RNF138: variants seen among roughly 807,000 people sequenced by gnomAD.
The protein encoded by RNF138 is E3 ubiquitin-protein ligase RNF138.
A neutral mutation model predicts 31.0 loss-of-function variants in RNF138; 12 were observed. The observed-to-expected ratio is 0.39, with a 90% CI of 0.25 to 0.63. The LOEUF is 0.63. Ranked by LOEUF, RNF138 falls within the 20% of genes least tolerant of loss-of-function variation. The probability of loss-of-function intolerance (pLI) is 0.52; values close to 1 mark genes in which losing one functional copy is unlikely to be tolerated. For synonymous variants in RNF138, 105 were observed against 99.5 expected (o/e 1.06, Z -0.33); for missense variants, 192 against 300.1 (o/e 0.64, Z 2.66).
chr18:32,095,315 G>A (rs1043603040), intron 2 of RNF138, among the ~76,000 whole-genome samples: 7 of 152,108 alleles, frequency 4.6e-5, no homozygotes, highest in African/African-American at 1.2e-4. Context: ...GACTACAGGA[G>A]CATGCCTCCA....
At position 32,115,660 on chromosome 18, in the gene RNF138, AC is replaced by A. The variant is rs1049431057; in HGVS notation, c.392+1801del. ...CTTGGGAGGCTTAGGCAGGAGAATCACTTGACCCTAGGAAACGGAGGTTGCA... is the reference window on the plus strand; with the variant it reads ...CTTGGGAGGCTTAGGCAGGAGAATCATTGACCCTAGGAAACGGAGGTTGCA... On this transcript the variant is annotated intron_variant, in intron 4 of 7. Coordinates refer to ENST00000261593, the MANE Select transcript of RNF138 (RefSeq NM_016271.5). 1.3e-3 allele frequency among the ~76,000 whole-genome samples: 195 copies of A among 152,214 alleles called. 1 individual carries two copies. The highest frequency in any genetic ancestry group is 4.4e-3 in the African/African-American group (182 of 41,530).
intron 3 of RNF138, 112 bp downstream of exon 3, chr18:32,112,031 T>A: frequency 5.6e-6 from 5 of 897,948 alleles, no homozygotes; most frequent in Non-Finnish European, 6.4e-6. Flanking sequence ...TGAAAGGTAT[T>A]TAGACTGGGA....
At chr18:32,111,999 G>GTTTT in intron 3 of RNF138, 80 bp downstream of exon 3, 6 of 877,574 alleles carry the variant, frequency 6.8e-6, no homozygotes, top group Admixed American at 3.8e-5. Context: ...CTTGGTTGGT[G>GTTTT]TTTTTTTTTT....
intron 6 of RNF138, among the ~76,000 whole-genome samples, chr18:32,126,259 A>G (rs1265656679): frequency 1.3e-5 from 2 of 152,232 alleles, no homozygotes; most frequent in African/African-American, 4.8e-5. Context: ...AAAACTAAGG[A>G]TACAATTTAA....
At position 32,113,178 on chromosome 18, in the gene RNF138, A is replaced by G. The variant is rs189076122; in HGVS notation, c.277-567A>G. On this transcript the variant is annotated intron_variant, in intron 3 of 7. Transcript: ENST00000261593. Reference sequence around the variant, plus strand: ...GCTTTGACTTCCCAGGCTCTAAGCAATCCTCCTGCCTCAGCCCCACAGGTA... The same window carrying G: ...GCTTTGACTTCCCAGGCTCTAAGCAGTCCTCCTGCCTCAGCCCCACAGGTA... Among the ~76,000 whole-genome samples, 146 of 152,178 alleles carry G rather than the reference A, an allele frequency of 9.6e-4. 1 individual carries two copies. Among genetic ancestry groups the G allele is most frequent in the African/African-American group, 3.3e-3 (136 of 41,522 alleles).
At chr18:32,124,493 G>T in intron 5 of RNF138, 1 of 381,788 alleles carries the variant, frequency 2.6e-6, no homozygotes, top group Non-Finnish European at 4.8e-6. Context: ...TTTTGTTTTT[G>T]TTTTGGCCTA....
intron 4 of RNF138, among the ~76,000 whole-genome samples, chr18:32,115,871 ATGCCTTAGCCATGTTGATTTAT>A (rs1306306803): frequency 6.6e-6 from 1 of 152,162 alleles, no homozygotes; most frequent in Non-Finnish European, 1.5e-5. Context: ...GTTGCATCAC[ATGCCTTAGCCATGTTGATTTAT>A]TTGTTCCCTC....
At position 32,130,935 on chromosome 18, in the gene RNF138, G is replaced by A. The variant is rs2040465382; in HGVS notation, c.*1748G>A. On this transcript the variant is annotated 3_prime_UTR_variant, in exon 8 of 8. Transcript: ENST00000261593. ...CCTTTTTAAGACTTTTGACCATAGTGTTTTCCAGTTTAAAGCAATAACTTT... is the reference window on the plus strand; with the variant it reads ...CCTTTTTAAGACTTTTGACCATAGTATTTTCCAGTTTAAAGCAATAACTTT... The A allele has an allele frequency of 6.6e-6, 1 of 152,404 alleles. No individual in the cohort carries two copies. Among genetic ancestry groups the A allele is most frequent in the Admixed American group, 6.6e-5 (1 of 15,260 alleles). 9.4% of individuals were successfully genotyped at this position (152,404 alleles called of 1,614,324 possible).
At chr18:32,109,886 A>G (rs2040098543) in intron 2 of RNF138, among the ~76,000 whole-genome samples, 1 of 152,238 alleles carries the variant, frequency 6.6e-6, no homozygotes, top group African/African-American at 2.4e-5. Flanking sequence ...GCTCTGTCTC[A>G]AAAAAATAAA....
chr18:32,098,022 G>A (rs980386126), intron 2 of RNF138, among the ~76,000 whole-genome samples: 1 of 151,510 alleles, frequency 6.6e-6, no homozygotes, highest in Non-Finnish European at 1.5e-5. Context: ...GTCTCACTGT[G>A]TTGCCCAGGC....
At chr18:32,126,842 T>C (rs370605226) in intron 7 of RNF138, 42 bp downstream of exon 7, 1 of 1,213,402 alleles carries the variant, frequency 8.2e-7, no homozygotes, top group Non-Finnish European at 1.2e-6. Flanking sequence ...TGTTTAAATA[T>C]TAAAGTTAAA....
Position 32,129,413 on chromosome 18 carries a change from C to G in RNF138, c.*226C>G. On this transcript the variant is annotated 3_prime_UTR_variant, in exon 8 of 8. Transcript: ENST00000261593. ...CTTTAAAGGTGTAAAAAAGATGTTT[C>G]ACTAATGTAACGGTGAAAGAGAATC... The G allele has an allele frequency of 2.4e-6, 1 of 424,002 alleles. No individual in the cohort carries two copies. The allele number at this position is 424,002 out of a possible 1,614,324, so 26.3% of individuals were successfully genotyped here.
chr18:32,101,372 C>T (rs767047128), intron 2 of RNF138, among the ~76,000 whole-genome samples: 12 of 151,852 alleles, frequency 7.9e-5, no homozygotes, highest in African/African-American at 1.5e-4. Flanking sequence ...GCGTGCACCA[C>T]CACTCCTGGC....
chr18:32,127,235 A>C (rs2040398237), intron 7 of RNF138, among the ~76,000 whole-genome samples: 1 of 152,184 alleles, frequency 6.6e-6, no homozygotes, highest in Admixed American at 6.5e-5. Context: ...AAAATGAGGG[A>C]GCTTAGTTAT....
At chr18:32,101,279 C>T (rs772811173) in intron 2 of RNF138, among the ~76,000 whole-genome samples, 2 of 150,170 alleles carry the variant, frequency 1.3e-5, no homozygotes, top group African/African-American at 4.9e-5. Flanking sequence ...CAGTGGCACA[C>T]GCAGTCTTGG....
At chr18:32,118,482 TG>T (rs2040251564) in intron 4 of RNF138, among the ~76,000 whole-genome samples, 1 of 148,686 alleles carries the variant, frequency 6.7e-6, no homozygotes, top group Admixed American at 6.7e-5. Flanking sequence ...TGCAGTGATC[TG>T]AGATCTGGCC....
Position 32,111,231 on chromosome 18 carries a change from A to G in RNF138, c.111-523A>G, listed in dbSNP as rs189997444. ...ACTTTGGGTAAAACCTATTAACTTT[A>G]TCCTAGAACTTCCCAAACCAATTTG... On this transcript the variant is annotated intron_variant, in intron 2 of 7. Coordinates refer to ENST00000261593, the MANE Select transcript of RNF138 (RefSeq NM_016271.5). Among the ~76,000 whole-genome samples, 466 of 152,354 alleles carry G rather than the reference A, an allele frequency of 3.1e-3. 5 individuals carry two copies. The highest frequency in any genetic ancestry group is 2.4e-3 in the Non-Finnish European group (160 of 68,040).
At chr18:32,107,954 G>A (rs576394758) in intron 2 of RNF138, among the ~76,000 whole-genome samples, 34 of 151,952 alleles carry the variant, frequency 2.2e-4, no homozygotes, top group African/African-American at 6.5e-4. Flanking sequence ...TCCCAGGTAC[G>A]AGTGATTCTC....
chr18:32,122,496 A>G (rs921731603), intron 4 of RNF138: 1 of 152,074 alleles, frequency 6.6e-6, no homozygotes, highest in Non-Finnish European at 1.5e-5. Context: ...CTGTGTTAAG[A>G]TTTCTACTAT....
Sources: gnomAD v4.1 joint callset for allele counts (sites outside exome capture counted in the v4.1 genomes callset) on GRCh38, gnomAD v4.1.1 for gene constraint, MANE v1.5 for transcripts, NCBI Gene and HGNC (gene_info 2026-07-23, HGNC 2026-07-21) for gene names.